The following COL25A1 variants were observed in gnomAD, a reference collection of about 807,000 sequenced individuals.
The protein encoded by COL25A1 is collagen alpha-1(XXV) chain.
COL25A1 carries 103 observed loss-of-function variants against 128.4 expected under a neutral mutation model. The ratio of observed to expected loss-of-function variants is 0.80; its 90% CI spans 0.68 to 0.94. The LOEUF is 0.94. COL25A1 is among the 40% of genes least tolerant of loss of function. COL25A1 has a pLI of 0.00. For missense variants in COL25A1, 745 were observed against 840.0 expected (o/e 0.89, Z 1.40); for synonymous variants, 279 against 277.2 (o/e 1.01, Z -0.06).
chr4:109,067,139 C>T (rs754393029), intron 3 of COL25A1, among the ~76,000 whole-genome samples: 1 of 152,110 alleles, frequency 6.6e-6, no homozygotes, highest in Non-Finnish European at 1.5e-5. Context: ...GGTGAACTAA[C>T]GGTCCCAAGA....
At chr4:109,032,469 T>A (rs944880841) in intron 5 of COL25A1, among the ~76,000 whole-genome samples, 1 of 152,194 alleles carries the variant, frequency 6.6e-6, no homozygotes, top group African/African-American at 2.4e-5. Flanking sequence ...TTCCCATACT[T>A]TATTCTCATA....
At chr4:108,957,733 G>C (rs1044432014) in intron 8 of COL25A1, among the ~76,000 whole-genome samples, 12 of 152,160 alleles carry the variant, frequency 7.9e-5, no homozygotes, top group African/African-American at 2.9e-4. Context: ...TAATTAGCTG[G>C]CAGGGCCGAT....
At chr4:109,172,146 C>T (rs1385738722) in intron 3 of COL25A1, among the ~76,000 whole-genome samples, 1 of 152,116 alleles carries the variant, frequency 6.6e-6, no homozygotes, top group Non-Finnish European at 1.5e-5. Context: ...CTTCCTTCTG[C>T]TTAAGCCTCT....
At chr4:109,301,064 C>T (rs1049245942) in intron 2 of COL25A1, among the ~76,000 whole-genome samples, 6 of 152,090 alleles carry the variant, frequency 3.9e-5, no homozygotes, top group Non-Finnish European at 8.8e-5. Context: ...AATAGGCTCC[C>T]GGCTAGGGTA....
chr4:108,949,978 C>T (rs115848187), intron 8 of COL25A1, among the ~76,000 whole-genome samples: 1,868 of 152,276 alleles, frequency 0.012, 14 homozygotes, highest in Non-Finnish European at 0.021. Flanking sequence ...AGACTTTATA[C>T]CAGGCTTTAC....
At chr4:108,845,147 G>A in intron 29 of COL25A1, 42 bp downstream of exon 29, 4 of 1,522,864 alleles carry the variant, frequency 2.6e-6, no homozygotes, top group Non-Finnish European at 3.6e-6. Flanking sequence ...CAGTGTGTGA[G>A]GAGGTTCAGG....
intron 3 of COL25A1, among the ~76,000 whole-genome samples, chr4:109,160,540 G>A (rs1042214493): frequency 6.6e-6 from 1 of 152,224 alleles, no homozygotes; most frequent in South Asian, 2.1e-4. Context: ...ACCTAAGTTC[G>A]CCCTGCTTCA....
chr4:109,112,770 C>G (rs1412627454), intron 3 of COL25A1, among the ~76,000 whole-genome samples: 1 of 152,098 alleles, frequency 6.6e-6, no homozygotes. Flanking sequence ...ACTACTTCAT[C>G]ATATTTCCAC....
chr4:109,050,479 A>C (rs1760885597), intron 3 of COL25A1, among the ~76,000 whole-genome samples: 1 of 152,084 alleles, frequency 6.6e-6, no homozygotes, highest in Non-Finnish European at 1.5e-5. Flanking sequence ...TTTGCTAAGA[A>C]AATTGGTAGT....
chr4:109,201,829 G>T (rs1242419387), intron 3 of COL25A1, among the ~76,000 whole-genome samples: 1 of 152,054 alleles, frequency 6.6e-6, no homozygotes, highest in Non-Finnish European at 1.5e-5. Context: ...CAGCTTTCTT[G>T]TATACCAGCA....
chr4:108,848,759 CT>C lies in COL25A1; in HGVS notation c.1433del (p.Gln478ArgfsTer15). 6.3e-7 allele frequency: 1 copy of C among 1,592,478 alleles called. No homozygotes were observed. Among genetic ancestry groups the C allele is most frequent in the Non-Finnish European group, 8.6e-7 (1 of 1,160,626 alleles). ...SPGIPGMDGE[Q>X]GLKGSKGDMG... ...AATAGTATACATCTTTGAAAATTAC[CT>C]GCTCTCCATCCATTCCTGGGATTCC... On this transcript the variant is annotated frameshift_variant and splice_region_variant, in exon 27 of 38. Transcript: ENST00000399132. LOFTEE classifies it high-confidence loss of function.
intron 3 of COL25A1, among the ~76,000 whole-genome samples, chr4:109,076,064 T>C (rs964267371): frequency 6.6e-6 from 1 of 152,206 alleles, no homozygotes; most frequent in Non-Finnish European, 1.5e-5. Flanking sequence ...TTAGGTATTA[T>C]AAGTAATCTA....
At chr4:108,863,014 C>A (rs1375589272) in intron 21 of COL25A1, among the ~76,000 whole-genome samples, 2 of 152,196 alleles carry the variant, frequency 1.3e-5, no homozygotes, top group East Asian at 3.9e-4. Context: ...GAAACTAACA[C>A]AGCACTTATC....
At chr4:108,916,059 G>A (rs1256845561) in intron 13 of COL25A1, among the ~76,000 whole-genome samples, 1 of 152,124 alleles carries the variant, frequency 6.6e-6, no homozygotes, top group Non-Finnish European at 1.5e-5. Flanking sequence ...CTGTTTCAGT[G>A]AAGGAGACTC....
At chr4:108,987,470 G>A (rs1365259545) in intron 6 of COL25A1, among the ~76,000 whole-genome samples, 2 of 151,938 alleles carry the variant, frequency 1.3e-5, no homozygotes, top group East Asian at 3.9e-4. Flanking sequence ...CCGCCTCCCG[G>A]GTTCAGGCAA....
chr4:109,024,376 CTTAT>C (rs1758051473), intron 5 of COL25A1, among the ~76,000 whole-genome samples: 2 of 151,710 alleles, frequency 1.3e-5, no homozygotes, highest in South Asian at 4.2e-4. Flanking sequence ...ATATATTATG[CTTAT>C]TTATACTGTA....
chr4:109,121,288 G>A (rs893197895), intron 3 of COL25A1, among the ~76,000 whole-genome samples: 1 of 151,822 alleles, frequency 6.6e-6, no homozygotes, highest in Non-Finnish European at 1.5e-5. Flanking sequence ...AAATATAACT[G>A]GACCTCATTA....
intron 3 of COL25A1, among the ~76,000 whole-genome samples, chr4:109,115,601 G>C (rs955819776): frequency 6.6e-6 from 1 of 152,050 alleles, no homozygotes; most frequent in Non-Finnish European, 1.5e-5. Context: ...CTTGGGCAAA[G>C]ATGATTAAAA....
At position 109,198,606 on chromosome 4, in the gene COL25A1, C is replaced by T. The variant is rs796645531; in HGVS notation, c.367+101977G>A. Among the ~76,000 whole-genome samples, 52 of 152,264 alleles carry T rather than the reference C, an allele frequency of 3.4e-4. 1 individual carries two copies. Among genetic ancestry groups the T allele is most frequent in the African/African-American group, 1.2e-3 (51 of 41,550 alleles). ...AATGGAAGTCACACAACAGCAATAA[C>T]ACCCTGATTGCATTCTATGCTAGCT... On this transcript the variant is annotated intron_variant, in intron 3 of 37. Coordinates refer to ENST00000399132, the MANE Select transcript of COL25A1 (RefSeq NM_198721.4).
Sources: gnomAD v4.1 joint callset for allele counts (sites outside exome capture counted in the v4.1 genomes callset) on GRCh38, gnomAD v4.1.1 for gene constraint, MANE v1.5 for transcripts, NCBI Gene and HGNC (gene_info 2026-07-23, HGNC 2026-07-21) for gene names.